TLCD3A: variants seen among roughly 807,000 people sequenced by gnomAD.
TLCD3A encodes the protein TLC domain-containing protein 3A.
A neutral mutation model predicts 29.9 loss-of-function variants in TLCD3A; 17 were observed. The ratio of observed to expected loss-of-function variants is 0.57; its 90% confidence interval spans 0.39 to 0.85. The LOEUF (loss-of-function observed/expected upper bound fraction) is 0.85, where lower values mean the gene tolerates loss of function less well. Ranked by LOEUF, TLCD3A falls within the 40% of genes least tolerant of loss-of-function variation. TLCD3A has a pLI of 0.00. For synonymous variants in TLCD3A, 143 were observed against 147.7 expected, an observed-to-expected ratio of 0.97 and a Z score of 0.23; for missense variants, 332 against 350.8, an observed-to-expected ratio of 0.95 and a Z score of 0.43.
At chr17:738,094 G>GTATT in intron 3 of TLCD3A, 47 bp downstream of exon 3, 6 of 428,586 alleles carry the variant, frequency 1.4e-5, no homozygotes, top group Non-Finnish European at 2.1e-5. Flanking sequence ...TGAGCTGGGT[G>GTATT]TCTTTTTTTT....
chr17:740,884 G>A (rs533796805), intron 4 of TLCD3A, among the ~76,000 whole-genome samples: 2 of 152,342 alleles, frequency 1.3e-5, no homozygotes, highest in South Asian at 2.1e-4. Flanking sequence ...AGAGTGGGAT[G>A]AGAGATCCTT....
In TLCD3A at chr17:741,568, T is replaced by C. The variant is rs758115014; in HGVS notation, c.772T>C (p.Ter258GlnextTer34). 6.2e-7 allele frequency: 1 copy of C among 1,612,098 alleles called. No individual in the cohort carries two copies. The highest frequency in any genetic ancestry group is 1.7e-5 in the Admixed American group (1 of 60,020). Residue 258 changes from the stop codon to glutamine, a stop_lost, in exon 5 of 5, where the codon TAA becomes CAA. Coordinates refer to ENST00000308278, the MANE Select transcript of TLCD3A (RefSeq NM_024792.3). ...FDTPQAKKDG[*>Q] ...CACTCCCCAAGCCAAAAAGGATGGC[T>C]AAATGCTCCTGGGAGTCAGGCGCAG... is the stretch of plus-strand genomic sequence containing the variant.
rs376138105 is a variant in TLCD3A at position 741,534 on chromosome 17, G to T, written c.738G>T (p.Arg246=). The T allele has an allele frequency of 8.7e-6, 14 of 1,613,706 alleles. No homozygotes were observed. The highest frequency in any genetic ancestry group is 8.0e-5 in the African/African-American group (6 of 74,906). The part of the protein sequence containing the change: ...WFCLLCRKAV[R]LFDTPQAKKD... Reference sequence around the variant, plus strand: ...GTCTGCTGTGCAGGAAGGCAGTCCGGCTCTTTGACACTCCCCAAGCCAAAA... The same window carrying T: ...GTCTGCTGTGCAGGAAGGCAGTCCGTCTCTTTGACACTCCCCAAGCCAAAA... The change falls in exon 5 of 5, where the codon CGG becomes CGT. Residue 246 remains arginine, a synonymous_variant. Coordinates refer to ENST00000308278, the MANE Select transcript of TLCD3A (RefSeq NM_024792.3).
chr17:737,768 AAG>A, intron 2 of TLCD3A, 76 bp from the exon 3 acceptor site: 1 of 1,298,134 alleles, frequency 7.7e-7, no homozygotes, highest in Non-Finnish European at 1.1e-6. Context: ...ATAGCTGATC[AAG>A]CACCAAGCTT....
Position 737,347 on chromosome 17 carries a change from C to T in TLCD3A, c.207-499C>T, listed in dbSNP as rs554035833. On this transcript the variant is annotated intron_variant, in intron 2 of 4. Transcript: ENST00000308278. Reference sequence around the variant, plus strand: ...TTGTAAAGAAAATGGCCAGGGTTGCCTCCCAGAAACTCCATAGAGTGGGGT... The same window carrying T: ...TTGTAAAGAAAATGGCCAGGGTTGCTTCCCAGAAACTCCATAGAGTGGGGT... Among the ~76,000 whole-genome samples the T allele has an allele frequency of 1.2e-4, 19 of 152,260 alleles. No individual in the cohort carries two copies. In the South Asian group the frequency reaches 3.5e-3, roughly 28 times the overall value.
chr17:732,953 C>T, intron 1 of TLCD3A, 145 bp from the exon 2 acceptor site: 2 of 1,373,240 alleles, frequency 1.5e-6, no homozygotes, highest in Non-Finnish European at 1.9e-6. Flanking sequence ...GGGGCCGGGG[C>T]GGGCGGGAAT....
rs745589491 is a variant in TLCD3A, at chr17:741,481, C to A, written c.685C>A (p.Leu229Ile). ...CTACTGCAACGTGGCCAATGCCTTC[C>A]TCGTAGCTCCTCAGATCTACTGGTT... ...PFYCNVANAF[L>I]VAPQIYWFCL... Residue 229 changes from leucine to isoleucine, a missense_variant, in exon 5 of 5, where the codon CTC (leucine) becomes ATC (isoleucine). Leu to Ile is a conservative substitution (Grantham distance 5, BLOSUM62 2). Coordinates refer to ENST00000308278, the MANE Select transcript of TLCD3A (RefSeq NM_024792.3). 1.2e-6 allele frequency: 2 copies of A among 1,614,088 alleles called. No individual in the cohort carries two copies. Among genetic ancestry groups the A allele is most frequent in the Admixed American group, 3.3e-5 (2 of 59,998 alleles).
chr17:738,253 G>A lies in TLCD3A; in HGVS notation c.408+206G>A, dbSNP rs141580140. On this transcript the variant is annotated intron_variant, in intron 3 of 4. Transcript: ENST00000308278. The stretch of plus-strand genomic sequence containing the variant: ...TGGGATTGCAGGTGCCCACCACCAC[G>A]CCCGGCTAATGTTTGTATTTTTAGT... 9.3e-4 allele frequency among the ~76,000 whole-genome samples: 142 copies of A among 151,910 alleles called. 2 individuals are homozygous for A. Among genetic ancestry groups the A allele is most frequent in the Non-Finnish European group, 9.4e-4 (64 of 67,976 alleles).
At chr17:737,704 A>C in intron 2 of TLCD3A, 142 bp from the exon 3 acceptor site, 1 of 829,748 alleles carries the variant, frequency 1.2e-6, no homozygotes, top group Non-Finnish European at 2.0e-6. Flanking sequence ...CAAGTGGTCT[A>C]CTCTCCCTGT....
intron 3 of TLCD3A, among the ~76,000 whole-genome samples, chr17:739,396 TC>T: frequency 6.6e-6 from 1 of 152,002 alleles, no homozygotes; most frequent in Admixed American, 6.5e-5. Context: ...ACCATATTGG[TC>T]AGGCTGATTT....
chr17:741,676 G>A lies in TLCD3A; in HGVS notation c.*106G>A. On this transcript the variant is annotated 3_prime_UTR_variant, in exon 5 of 5. Coordinates refer to ENST00000308278, the MANE Select transcript of TLCD3A (RefSeq NM_024792.3). ...AGCCTCAGACTTTGGGTATTGATAA[G>A]CCGATGGATTTGAGTTTTTCTAAAG... 1 of 1,345,844 alleles carries A rather than the reference G, an allele frequency of 7.4e-7. No homozygotes were observed. The highest frequency in any genetic ancestry group is 1.4e-5 in the South Asian group (1 of 71,556). The allele number at this position is 1,345,844 out of a possible 1,614,324, so 83.4% of individuals were successfully genotyped here.
chr17:739,281 C>T (rs570092334), intron 3 of TLCD3A, among the ~76,000 whole-genome samples: 30 of 152,212 alleles, frequency 2.0e-4, no homozygotes, highest in Non-Finnish European at 3.8e-4. Context: ...CTCTGCCTCC[C>T]GGGTTCAAGT....
intron 2 of TLCD3A, among the ~76,000 whole-genome samples, chr17:735,353 G>A (rs572826154): frequency 6.6e-6 from 1 of 152,332 alleles, no homozygotes; most frequent in Non-Finnish European, 1.5e-5. Context: ...CTGCAGTTTT[G>A]ACAGGTAAGA....
chr17:732,846 C>T, intron 1 of TLCD3A, 77 bp downstream of exon 1: 5 of 1,373,190 alleles, frequency 3.6e-6, no homozygotes, highest in Non-Finnish European at 4.7e-6. Context: ...GGGCCCAGGG[C>T]GGAAAAGGGG....
At chr17:738,799 T>C (rs1395547553) in intron 3 of TLCD3A, among the ~76,000 whole-genome samples, 1 of 151,696 alleles carries the variant, frequency 6.6e-6, no homozygotes, top group Admixed American at 6.6e-5. Flanking sequence ...ACTCTTGGAC[T>C]CAAGTGATCC....
At chr17:740,253 T>G (rs1025209863) in intron 3 of TLCD3A, among the ~76,000 whole-genome samples, 3 of 152,116 alleles carry the variant, frequency 2.0e-5, no homozygotes, top group Non-Finnish European at 4.4e-5. Context: ...CTTGCAGCCT[T>G]CCTTCCGGCT....
chr17:733,063 C>G, intron 1 of TLCD3A, 35 bp from the exon 2 acceptor site: 2 of 1,536,728 alleles, frequency 1.3e-6, no homozygotes, highest in Non-Finnish European at 1.8e-6. Context: ...TCGGACCGGA[C>G]TGAGCGCGCG....
At chr17:732,909 C>G (rs1974093826) in intron 1 of TLCD3A, 140 bp downstream of exon 1, 1 of 1,370,042 alleles carries the variant, frequency 7.3e-7, no homozygotes, top group Non-Finnish European at 9.4e-7. Flanking sequence ...GCCCGAGTTT[C>G]CGAAGCCCCT....
At chr17:739,393 T>A (rs1974214354) in intron 3 of TLCD3A, among the ~76,000 whole-genome samples, 1 of 152,174 alleles carries the variant, frequency 6.6e-6, no homozygotes. Context: ...TTCACCATAT[T>A]GGTCAGGCTG....
Sources: allele counts gnomAD v4.1 joint callset (sites outside exome capture counted in the v4.1 genomes callset), GRCh38; gene constraint gnomAD v4.1.1; transcripts MANE v1.5; gene names NCBI Gene and HGNC (gene_info 2026-07-23, HGNC 2026-07-21).